ZNF727: variants seen among roughly 807,000 people sequenced by gnomAD.
ZNF727 encodes zinc finger protein 727.
In ZNF727, 11 loss-of-function variants were observed where a neutral mutation model predicts 11.5. The ratio of observed to expected loss-of-function variants is 0.95; its 90% CI spans 0.60 to 1.58. The LOEUF is 1.58. Ranked by LOEUF, ZNF727 falls within the 40% of genes most tolerant of loss-of-function variation. The pLI is 0.00. For missense variants in ZNF727, 533 were observed against 581.7 expected, an observed-to-expected ratio of 0.92 and a Z score of 0.86; for synonymous variants, 171 against 196.1, an observed-to-expected ratio of 0.87 and a Z score of 1.07.
intron 1 of ZNF727, among the ~76,000 whole-genome samples, chr7:64,045,951 C>A (rs1478755977): frequency 6.6e-6 from 1 of 152,144 alleles, no homozygotes; most frequent in Non-Finnish European, 1.5e-5. Context: ...GGAGTTCCTC[C>A]GTGGAAGAAG....
intron 1 of ZNF727, among the ~76,000 whole-genome samples, chr7:64,049,175 T>C (rs949112097): frequency 1.4e-4 from 22 of 152,278 alleles, no homozygotes; most frequent in African/African-American, 5.3e-4. Context: ...GAAAACCTTA[T>C]AAACAGATGT....
At chr7:64,060,182 T>G (rs1789748562) in intron 1 of ZNF727, among the ~76,000 whole-genome samples, 1 of 152,228 alleles carries the variant, frequency 6.6e-6, no homozygotes, top group Admixed American at 6.5e-5. Flanking sequence ...TGGTGATTTT[T>G]ATTTCTGCTT....
At chr7:64,047,685 TC>T (rs1789530346) in intron 1 of ZNF727, among the ~76,000 whole-genome samples, 1 of 152,118 alleles carries the variant, frequency 6.6e-6, no homozygotes, top group Admixed American at 6.6e-5. Flanking sequence ...CTGGATGCCC[TC>T]GTGCTGAGAG....
At chr7:64,064,703 G>A (rs1014625613) in intron 1 of ZNF727, among the ~76,000 whole-genome samples, 6 of 152,024 alleles carry the variant, frequency 3.9e-5, no homozygotes, top group Admixed American at 1.3e-4. Context: ...CATGTGATGC[G>A]GCTACCTGAA....
intron 1 of ZNF727, among the ~76,000 whole-genome samples, chr7:64,058,299 G>A (rs921659921): frequency 6.6e-5 from 10 of 152,002 alleles, no homozygotes; most frequent in African/African-American, 2.4e-4. Flanking sequence ...TAGGAAGTGA[G>A]TTATGAGGTC....
intron 1 of ZNF727, among the ~76,000 whole-genome samples, chr7:64,057,912 C>T (rs1197414229): frequency 6.6e-6 from 1 of 152,154 alleles, no homozygotes; most frequent in Non-Finnish European, 1.5e-5. Flanking sequence ...ATTCCTACCA[C>T]ATATCCATTG....
rs1235936660 is a variant in ZNF727, at chr7:64,077,346, C to T, written c.297C>T (p.Ile99=). The T allele has an allele frequency of 1.3e-6, 2 of 1,550,732 alleles. No homozygotes were observed. Among genetic ancestry groups the T allele is most frequent in the Non-Finnish European group, 1.7e-6 (2 of 1,146,782 alleles). ...TAAACGATTCATTTCAAAAAGTGAT[C>T]CTGAGAAAATCTGGAAGCTGTGACC... The part of the protein sequence containing the change: ...HDINDSFQKV[I]LRKSGSCDLN... Residue 99 remains isoleucine (I), a synonymous_variant, in exon 4 of 4, where the codon ATC becomes ATT. Coordinates refer to ENST00000456806, the MANE Select transcript of ZNF727 (RefSeq NM_001159522.3).
At chr7:64,076,076 CATTA>C (rs1226772501) in intron 3 of ZNF727, among the ~76,000 whole-genome samples, 1 of 14,716 alleles carries the variant, frequency 6.8e-5, no homozygotes, top group Non-Finnish European at 1.5e-4. Context: ...TTGGCTATGT[CATTA>C]ATTAATTGTG....
chr7:64,069,559 G>C lies in ZNF727; in HGVS notation c.176G>C (p.Arg59Thr). Residue 59 changes from arginine (R) to threonine (T), a missense_variant, in exon 3 of 4, where the codon AGA (arginine) becomes ACA (threonine). By Grantham distance (71) the Arg-to-Thr change is moderately conservative. Transcript: ENST00000456806. ...GACTTGATTACCTATCTGGAGCAAA[G>C]AAAAGAGCCTTGGAATGCGAGGAGA... ...KPDLITYLEQ[R>T]KEPWNARRQK... 6.4e-7 allele frequency: 1 copy of C among 1,564,134 alleles called. No homozygotes were observed. The highest frequency in any genetic ancestry group is 2.4e-5 in the East Asian group (1 of 42,324).
intron 1 of ZNF727, among the ~76,000 whole-genome samples, chr7:64,063,603 C>T (rs1343883663): frequency 7.0e-6 from 1 of 142,416 alleles, no homozygotes; most frequent in Admixed American, 6.9e-5. Flanking sequence ...CTGGCTCTCA[C>T]ATAAGGCCCA....
Position 64,077,686 on chromosome 7 carries a change from T to C in ZNF727, c.637T>C (p.Ser213Pro). 1 of 1,565,616 alleles carries C rather than the reference T, an allele frequency of 6.4e-7. No homozygotes were observed. The change falls in exon 4 of 4, where the codon TCA becomes CCA. Residue 213 changes from serine (S) to proline (P), a missense_variant. Ser to Pro is a moderately conservative substitution (Grantham distance 74). Coordinates refer to ENST00000456806, the MANE Select transcript of ZNF727 (RefSeq NM_001159522.3). Reference sequence around the variant, plus strand: ...ATGTGGCAAAGCCTGTAAAAAGTTCTCAAACCTTACTGAACATAATAGAGT... The same window carrying C: ...ATGTGGCAAAGCCTGTAAAAAGTTCCCAAACCTTACTGAACATAATAGAGT... Reference protein sequence around the residue: ...EECGKACKKFSNLTEHNRVHT... With the variant: ...EECGKACKKFPNLTEHNRVHT...
chr7:64,047,583 G>A (rs1486076428), intron 1 of ZNF727, among the ~76,000 whole-genome samples: 3 of 152,172 alleles, frequency 2.0e-5, no homozygotes, highest in Non-Finnish European at 2.9e-5. Context: ...CAAGGACCAT[G>A]TCTCTTGGAG....
intron 1 of ZNF727, among the ~76,000 whole-genome samples, chr7:64,058,531 T>C (rs1419213077): frequency 6.6e-6 from 1 of 152,186 alleles, no homozygotes; most frequent in African/African-American, 2.4e-5. Context: ...TCCACTCAAC[T>C]GGGCTTCTGA....
intron 1 of ZNF727, among the ~76,000 whole-genome samples, chr7:64,048,675 G>T (rs1481166782): frequency 2.0e-5 from 3 of 152,116 alleles, no homozygotes; most frequent in Non-Finnish European, 2.9e-5. Context: ...TAGTATAATT[G>T]TAGCCAGTAA....
In ZNF727 at chr7:64,078,393, A is replaced by G. The variant is rs577382731; in HGVS notation, c.1344A>G (p.Gly448=). 6.3e-7 allele frequency: 1 copy of G among 1,593,178 alleles called. No individual in the cohort carries two copies. Among genetic ancestry groups the G allele is most frequent in the East Asian group, 2.3e-5 (1 of 43,504 alleles). The change falls in exon 4 of 4, where the codon GGA becomes GGG. Residue 448 remains glycine, a synonymous_variant. Transcript: ENST00000456806. Reference sequence around the variant, plus strand: ...CTAATCATAAGAGAATTCACACTGGAGAGAAGCCCTACAAATGTGAAGAAT... The same window carrying G: ...CTAATCATAAGAGAATTCACACTGGGGAGAAGCCCTACAAATGTGAAGAAT... ...DLTNHKRIHT[G]EKPYKCEECG... is the part of the protein sequence containing the mutation.
chr7:64,069,578 G>A lies in ZNF727; in HGVS notation c.195G>A (p.Ala65=), dbSNP rs4349869. 1,028,034 of 1,562,970 alleles carry A rather than the reference G, an allele frequency of 0.66. 342,464 individuals carry two copies. Among genetic ancestry groups the A allele is most frequent in the Non-Finnish European group, 0.68 (786,457 of 1,152,602 alleles). ...AGCAAAGAAAAGAGCCTTGGAATGC[G>A]AGGAGACAGAAGACAGTAGCCAAAC... ...YLEQRKEPWN[A]RRQKTVAKHP... The change falls in exon 3 of 4, where the codon GCG becomes GCA. Residue 65 remains alanine, a synonymous_variant. Coordinates refer to ENST00000456806, the MANE Select transcript of ZNF727 (RefSeq NM_001159522.3).
chr7:64,067,868 G>A (rs866595687), intron 1 of ZNF727, among the ~76,000 whole-genome samples: 33 of 150,844 alleles, frequency 2.2e-4, no homozygotes, highest in African/African-American at 6.6e-4. Context: ...ACAAACCCAC[G>A]TGTTCTGCAC....
intron 3 of ZNF727, among the ~76,000 whole-genome samples, chr7:64,076,094 T>C (rs569397149): frequency 6.6e-6 from 1 of 152,298 alleles, no homozygotes; most frequent in African/African-American, 2.4e-5. Context: ...AATTGTGCTT[T>C]TAGTTTTTAT....
At position 64,079,319 on chromosome 7, in the gene ZNF727, T is replaced by C. The variant is rs1314835585; in HGVS notation, c.*770T>C. ...TCAGAGACTTACTACTGAACAAATGTAGTATAAAGGTAATGACTTGAAGAA... is the reference window on the plus strand; with the variant it reads ...TCAGAGACTTACTACTGAACAAATGCAGTATAAAGGTAATGACTTGAAGAA... On this transcript the variant is annotated 3_prime_UTR_variant, in exon 4 of 4. Transcript: ENST00000456806. Among the ~76,000 whole-genome samples the C allele has an allele frequency of 2.0e-5, 3 of 152,240 alleles. No homozygotes were observed.
Sources: gnomAD v4.1 joint callset for allele counts (sites outside exome capture counted in the v4.1 genomes callset) on GRCh38, gnomAD v4.1.1 for gene constraint, MANE v1.5 for transcripts, NCBI Gene and HGNC (gene_info 2026-07-23, HGNC 2026-07-21) for gene names.